S100PBP: variants seen among roughly 807,000 people sequenced by gnomAD.
S100PBP encodes S100P binding protein.
Under a neutral mutation model 39.9 loss-of-function variants are expected in S100PBP, and 15 were observed. The ratio of observed to expected loss-of-function variants is 0.38; its 90% CI spans 0.25 to 0.58. The LOEUF is 0.58. Among genes scored for constraint, S100PBP ranks in the 20% least tolerant of loss-of-function variants. The pLI is 0.70. For missense variants in S100PBP, 504 were observed against 487.3 expected, an observed-to-expected ratio of 1.03 and a Z score of -0.32; for synonymous variants, 178 against 180.3, an observed-to-expected ratio of 0.99 and a Z score of 0.10.
rs1172635827 is a variant in S100PBP at position 32,822,756 on chromosome 1, A to G, written c.-119-2557A>G. Among the ~76,000 whole-genome samples, 11 of 151,958 alleles carry G rather than the reference A, an allele frequency of 7.2e-5. 1 individual carries two copies. In the East Asian group the frequency reaches 1.7e-3, roughly 24 times the overall value. On this transcript the variant is annotated intron_variant, in intron 1 of 6. Transcript: ENST00000373475. Reference sequence around the variant, plus strand: ...TTTGTATACTTTTGTTCCCAGATCTATTGGAACATAAGAAGCTCAGAAAAG... The same window carrying G: ...TTTGTATACTTTTGTTCCCAGATCTGTTGGAACATAAGAAGCTCAGAAAAG...
intron 5 of S100PBP, among the ~76,000 whole-genome samples, chr1:32,844,296 C>T (rs955921442): frequency 1.8e-4 from 28 of 152,176 alleles, no homozygotes; most frequent in Admixed American, 3.9e-4. Flanking sequence ...AAGTATCTGC[C>T]TGCCTCTGCC....
Position 32,826,094 on chromosome 1 carries a change from C to T in S100PBP, c.-2-4C>T. ...CTCAGTGAAATTGTCTCTTATTTCTCCAGAAATGATGTGCTCACGGGTGCC... is the reference window on the plus strand; with the variant it reads ...CTCAGTGAAATTGTCTCTTATTTCTTCAGAAATGATGTGCTCACGGGTGCC... On this transcript the variant is annotated splice_region_variant and splice_polypyrimidine_tract_variant and intron_variant, in intron 2 of 6. Coordinates refer to ENST00000373475, the MANE Select transcript of S100PBP (RefSeq NM_022753.4). 1 of 1,581,300 alleles carries T rather than the reference C, an allele frequency of 6.3e-7. No individual in the cohort carries two copies. The highest frequency in any genetic ancestry group is 8.6e-7 in the Non-Finnish European group (1 of 1,164,446).
rs577876978 is a variant in S100PBP, at chr1:32,829,470, T to A, written c.921-494T>A. 2.0e-5 allele frequency among the ~76,000 whole-genome samples: 3 copies of A among 152,294 alleles called. No individual in the cohort carries two copies. The East Asian group carries it at 5.8e-4, about 29-fold the overall frequency. On this transcript the variant is annotated intron_variant, in intron 4 of 6. Transcript: ENST00000373475. ...TCTCTTCGTCTTTTTTTAAATTATT[T>A]GATTTTTTTAGAGACAGGGTCTCAC...
At chr1:32,853,934 G>A (rs1288592335) in intron 6 of S100PBP, among the ~76,000 whole-genome samples, 6 of 151,930 alleles carry the variant, frequency 3.9e-5, no homozygotes, top group Non-Finnish European at 8.8e-5. Context: ...TGAAATTCAG[G>A]AAACCTGAGT....
Position 32,826,879 on chromosome 1 carries a change from C to G in S100PBP, c.780C>G (p.His260Gln). 6.2e-7 allele frequency: 1 copy of G among 1,608,282 alleles called. No homozygotes were observed. Among genetic ancestry groups the G allele is most frequent in the South Asian group, 1.1e-5 (1 of 89,488 alleles). Residue 260 changes from histidine to glutamine, a missense_variant, in exon 3 of 7, where the codon CAC becomes CAG. Coordinates refer to ENST00000373475, the MANE Select transcript of S100PBP (RefSeq NM_022753.4). ...MELSCRNGGS[H>Q]KSSCEMRSLV... ...TATCCTGCAGAAATGGTGGTTCACA[C>G]AAGTCAAGTTGTGAAATGAGATCTC...
intron 4 of S100PBP, among the ~76,000 whole-genome samples, chr1:32,828,501 A>C (rs1374116908): frequency 6.6e-6 from 1 of 152,106 alleles, no homozygotes; most frequent in Non-Finnish European, 1.5e-5. Context: ...ACCCTTGCGG[A>C]AAAATTCCAG....
intron 5 of S100PBP, among the ~76,000 whole-genome samples, chr1:32,844,071 G>A (rs982960275): frequency 4.6e-5 from 7 of 151,420 alleles, no homozygotes; most frequent in African/African-American, 1.7e-4. Context: ...CTGCCACCAT[G>A]CCTGGCTAAT....
intron 5 of S100PBP, among the ~76,000 whole-genome samples, chr1:32,840,312 C>A (rs541551363): frequency 1.3e-5 from 2 of 150,894 alleles, no homozygotes; most frequent in African/African-American, 4.9e-5. Context: ...TGGTAGAGAC[C>A]GTGTTTTACC....
At chr1:32,835,217 T>G (rs2148660849) in intron 5 of S100PBP, 1 of 152,360 alleles carries the variant, frequency 6.6e-6, no homozygotes, top group African/African-American at 2.4e-5. Flanking sequence ...AAAGATTTTC[T>G]ATTACTTTAC....
intron 5 of S100PBP, among the ~76,000 whole-genome samples, chr1:32,851,294 G>A (rs1459801375): frequency 2.6e-5 from 4 of 152,072 alleles, no homozygotes; most frequent in African/African-American, 7.2e-5. Flanking sequence ...TTTGATTCCC[G>A]AAAGCACAGT....
intron 5 of S100PBP, among the ~76,000 whole-genome samples, chr1:32,850,268 C>T (rs762407149): frequency 5.3e-5 from 8 of 152,138 alleles, no homozygotes; most frequent in Non-Finnish European, 1.0e-4. Context: ...ATATTGCTAG[C>T]CCTCCTTTGT....
In S100PBP at chr1:32,828,094, A is replaced by G. The variant is rs755870677; in HGVS notation, c.920+13A>G. 1 of 1,502,854 alleles carries G rather than the reference A, an allele frequency of 6.7e-7. No homozygotes were observed. The highest frequency in any genetic ancestry group is 2.3e-5 in the East Asian group (1 of 43,920). 93.1% of individuals were successfully genotyped at this position (1,502,854 alleles called of 1,614,324 possible). Reference sequence around the variant, plus strand: ...AAACTAAGACCAGGTAATGTAAAGTATAATTAAATATTCTGATTTATTTTG... The same window carrying G: ...AAACTAAGACCAGGTAATGTAAAGTGTAATTAAATATTCTGATTTATTTTG... On this transcript the variant is annotated intron_variant, in intron 4 of 6. Coordinates refer to ENST00000373475, the MANE Select transcript of S100PBP (RefSeq NM_022753.4).
intron 5 of S100PBP, among the ~76,000 whole-genome samples, chr1:32,838,404 A>G (rs1639940824): frequency 6.6e-6 from 1 of 151,608 alleles, no homozygotes; most frequent in African/African-American, 2.4e-5. Context: ...ACCGTTTTTC[A>G]TTTCTATTAG....
chr1:32,857,037 T>C lies in S100PBP; in HGVS notation c.*999T>C, dbSNP rs892205158. ...TAGTTTCATTTGCTGAACCCCAAAT[T>C]TGAGTGTTAGTTAGGGAGCCTCCAT... On this transcript the variant is annotated 3_prime_UTR_variant, in exon 7 of 7. Transcript: ENST00000373475. The C allele has an allele frequency of 1.3e-5, 2 of 152,098 alleles. No homozygotes were observed. The highest frequency in any genetic ancestry group is 2.9e-5 in the Non-Finnish European group (2 of 67,976). 9.4% of individuals were successfully genotyped at this position (152,098 alleles called of 1,614,324 possible). A position where few individuals can be genotyped will look rare whatever the true frequency, so the allele number is the denominator to read the frequency against.
At position 32,857,806 on chromosome 1, in the gene S100PBP, G is replaced by A. The variant is rs746432937; in HGVS notation, c.*1768G>A. 4 of 152,184 alleles carry A rather than the reference G, an allele frequency of 2.6e-5. No individual in the cohort carries two copies. The highest frequency in any genetic ancestry group is 6.5e-5 in the Admixed American group (1 of 15,276). The allele number at this position is 152,184 out of a possible 1,614,324, so 9.4% of individuals were successfully genotyped here. A position where few individuals can be genotyped will look rare whatever the true frequency, so the allele number is the denominator to read the frequency against. On this transcript the variant is annotated 3_prime_UTR_variant, in exon 7 of 7. Coordinates refer to ENST00000373475, the MANE Select transcript of S100PBP (RefSeq NM_022753.4). ...ATCCTACCCCACTTTAGAAACGGAC[G>A]TGGGGAACGCTTGGTCATTTAAGCC...
At chr1:32,817,135 T>C (rs1638767848), upstream of S100PBP, 2 of 1,609,360 alleles carry the variant, frequency 1.2e-6, no homozygotes, top group Admixed American at 1.7e-5. Flanking sequence ...TCAAAATCAC[T>C]GAACCTCGGG....
At chr1:32,817,187 C>T (rs1309507387), upstream of S100PBP, 1 of 1,614,078 alleles carries the variant, frequency 6.2e-7, no homozygotes, top group Non-Finnish European at 8.5e-7. Context: ...CCAGGCCTGA[C>T]CTGCAGGTTC....
intron 4 of S100PBP, 45 bp from the exon 5 acceptor site, chr1:32,829,919 T>C: frequency 2.2e-6 from 3 of 1,372,192 alleles, no homozygotes; most frequent in Non-Finnish European, 3.1e-6. Flanking sequence ...TATATTCCTG[T>C]TTCTAATGGG....
chr1:32,845,176 C>T lies in S100PBP; in HGVS notation c.1025-7903C>T, dbSNP rs192030396. On this transcript the variant is annotated intron_variant, in intron 5 of 6. Coordinates refer to ENST00000373475, the MANE Select transcript of S100PBP (RefSeq NM_022753.4). ...AGTAGCTGGGACTACAGGCGCCCGC[C>T]ACCTCACCCGGCTAATTTTTTGTAT... Among the ~76,000 whole-genome samples, 6 of 152,250 alleles carry T rather than the reference C, an allele frequency of 3.9e-5. No homozygotes were observed. The East Asian group carries it at 9.7e-4, about 25-fold the overall frequency.
Sources: gnomAD v4.1 joint callset for allele counts (sites outside exome capture counted in the v4.1 genomes callset) on GRCh38, gnomAD v4.1.1 for gene constraint, MANE v1.5 for transcripts, NCBI Gene and HGNC (gene_info 2026-07-23, HGNC 2026-07-21) for gene names.